The following OPRM1 variants were observed in gnomAD, a reference collection of about 807,000 sequenced individuals.
OPRM1 encodes mu-type opioid receptor.
In OPRM1, 27 loss-of-function variants were observed where a neutral mutation model predicts 31.8. The ratio of observed to expected loss-of-function variants is 0.85; its 90% CI spans 0.63 to 1.17. OPRM1 has a LOEUF of 1.17. Ranked by LOEUF, OPRM1 falls within the 50% of genes most tolerant of loss-of-function variation. The pLI is 0.00. For missense variants in OPRM1, 536 were observed against 511.1 expected, an observed-to-expected ratio of 1.05 and a Z score of -0.47; for synonymous variants, 196 against 189.9, an observed-to-expected ratio of 1.03 and a Z score of -0.26.
chr6:154,203,397 T>C (rs1379811507), intron 3 of OPRM1, among the ~76,000 whole-genome samples: 1 of 152,160 alleles, frequency 6.6e-6, no homozygotes, highest in Non-Finnish European at 1.5e-5. Context: ...TACACAGTTG[T>C]CCCTTGAACA....
downstream of OPRM1, among the ~76,000 whole-genome samples, chr6:154,136,578 A>C (rs1014679597): frequency 6.6e-6 from 1 of 152,056 alleles, no homozygotes; most frequent in Non-Finnish European, 1.5e-5. Flanking sequence ...CTCATGTTCC[A>C]CCTAATCCCT....
chr6:154,043,836 T>C (rs1485458010), intron 1 of OPRM1, among the ~76,000 whole-genome samples: 3 of 152,088 alleles, frequency 2.0e-5, no homozygotes, highest in Admixed American at 6.5e-5. Flanking sequence ...CCTATTACAA[T>C]TTGAACTTTA....
chr6:154,210,205 T>C (rs1562543111), intron 3 of OPRM1, among the ~76,000 whole-genome samples: 1 of 152,234 alleles, frequency 6.6e-6, no homozygotes, highest in Non-Finnish European at 1.5e-5. Context: ...TTCACCAGTG[T>C]GTTCTAGATG....
At chr6:154,236,187 A>G (rs1158556879) in intron 3 of OPRM1, among the ~76,000 whole-genome samples, 1 of 152,250 alleles carries the variant, frequency 6.6e-6, no homozygotes, top group Non-Finnish European at 1.5e-5. Flanking sequence ...AATGTGGTAC[A>G]CACATCAAGG....
chr6:154,107,546 T>C, intron 3 of OPRM1: 1 of 718,602 alleles, frequency 1.4e-6, no homozygotes, highest in Non-Finnish European at 2.6e-6. Flanking sequence ...TCCATTTCCC[T>C]TCCCAGGAAG....
rs940652654 is a variant in OPRM1, at chr6:154,054,460, G to T, written c.290+14626G>T. ...CTCCTGGGCATAAGTAAGTGTAAAA[G>T]TTCCCCTGGTGACTCTACCATGCAG... On this transcript the variant is annotated intron_variant, in intron 1 of 3. Coordinates refer to ENST00000330432, the MANE Select transcript of OPRM1 (RefSeq NM_000914.5). 4.0e-5 allele frequency among the ~76,000 whole-genome samples: 6 copies of T among 150,276 alleles called. No homozygotes were observed. The South Asian group carries it at 8.5e-4, about 21-fold the overall frequency.
At chr6:154,132,673 G>A (rs571875386), downstream of OPRM1, among the ~76,000 whole-genome samples, 2 of 152,132 alleles carry the variant, frequency 1.3e-5, no homozygotes, top group African/African-American at 2.4e-5. Context: ...TCCACTGATA[G>A]TCTACTTTTT....
chr6:154,214,049 T>C (rs1016328910), intron 3 of OPRM1, among the ~76,000 whole-genome samples: 1 of 152,162 alleles, frequency 6.6e-6, no homozygotes, highest in African/African-American at 2.4e-5. Flanking sequence ...TCCATGTTGG[T>C]GAGTCTGTGT....
intron 1 of OPRM1, among the ~76,000 whole-genome samples, chr6:154,066,755 G>GA (rs1785498061): frequency 2.0e-5 from 3 of 151,920 alleles, no homozygotes; most frequent in Non-Finnish European, 2.9e-5. Flanking sequence ...TGCAAGCCAG[G>GA]AAAAAAATCC....
chr6:154,097,367 A>G (rs1793572455), intron 3 of OPRM1, among the ~76,000 whole-genome samples: 1 of 152,234 alleles, frequency 6.6e-6, no homozygotes, highest in Non-Finnish European at 1.5e-5. Context: ...CCTACTTTTA[A>G]AATAAAATAC....
chr6:154,181,050 A>G (rs532580255), intron 3 of OPRM1, among the ~76,000 whole-genome samples: 3 of 152,272 alleles, frequency 2.0e-5, no homozygotes, highest in South Asian at 4.1e-4. Context: ...GGCTTTACAC[A>G]TGTTATTTAA....
At chr6:154,160,020 G>A (rs1245284403) in intron 3 of OPRM1, 1 of 1,611,832 alleles carries the variant, frequency 6.2e-7, no homozygotes, top group African/African-American at 1.3e-5. Context: ...GGTTAATCAT[G>A]GCCAGATCAT....
downstream of OPRM1, among the ~76,000 whole-genome samples, chr6:154,137,112 C>T (rs1009078980): frequency 4.6e-5 from 7 of 152,114 alleles, no homozygotes; most frequent in Non-Finnish European, 8.8e-5. Flanking sequence ...GATTACATTA[C>T]CCACAGTAGC....
At chr6:154,217,092 G>A (rs1207580938) in intron 3 of OPRM1, 3 of 162,532 alleles carry the variant, frequency 1.8e-5, no homozygotes, top group Non-Finnish European at 4.1e-5. Context: ...GTCACTTTAC[G>A]GAAACAACGT....
intron 1 of OPRM1, among the ~76,000 whole-genome samples, chr6:154,070,080 G>A (rs899873672): frequency 6.6e-6 from 1 of 152,158 alleles, no homozygotes; most frequent in Non-Finnish European, 1.5e-5. Flanking sequence ...ATCTGCCTTT[G>A]TGTCTGCCTT....
chr6:154,039,010 T>G, upstream of OPRM1: 3 of 860,252 alleles, frequency 3.5e-6, no homozygotes, highest in South Asian at 2.0e-5. Flanking sequence ...GCTGTTAGGG[T>G]TTCATCAAGC....
chr6:154,113,331 G>C (rs1458126991), intron 3 of OPRM1, among the ~76,000 whole-genome samples: 1 of 152,066 alleles, frequency 6.6e-6, no homozygotes, highest in Non-Finnish European at 1.5e-5. Context: ...TTTACCTAGG[G>C]GACTAACAAA....
At position 154,128,476 on chromosome 6, in the gene OPRM1, C is replaced by T. The variant is rs965428405; in HGVS notation, c.*9755C>T. ...TTCCAGTGAAGTCTAAGAACTGGGA[C>T]AGTCCGTTGAGGATCCTTGTGCCAG... On this transcript the variant is annotated 3_prime_UTR_variant, in exon 4 of 4. Coordinates refer to ENST00000330432, the MANE Select transcript of OPRM1 (RefSeq NM_000914.5). 6.6e-6 allele frequency among the ~76,000 whole-genome samples: 1 copy of T among 152,224 alleles called. No homozygotes were observed. Among genetic ancestry groups the T allele is most frequent in the African/African-American group, 2.4e-5 (1 of 41,456 alleles).
At chr6:154,100,798 C>A (rs1005439954) in intron 3 of OPRM1, among the ~76,000 whole-genome samples, 10 of 150,630 alleles carry the variant, frequency 6.6e-5, no homozygotes, top group Admixed American at 3.3e-4. Context: ...TCTAGCAATC[C>A]CTACCTAGGT....
Sources: gnomAD v4.1 joint callset for allele counts (sites outside exome capture counted in the v4.1 genomes callset) on GRCh38, gnomAD v4.1.1 for gene constraint, MANE v1.5 for transcripts, NCBI Gene and HGNC (gene_info 2026-07-23, HGNC 2026-07-21) for gene names.